Variants in BCL10 observed in about 807,000 individuals in gnomAD.
The protein encoded by BCL10 is BCL10 immune signaling adaptor.
In BCL10, 5 loss-of-function variants were observed where a neutral mutation model predicts 19.2. The ratio of observed to expected loss-of-function variants is 0.26; its 90% CI spans 0.14 to 0.55. The LOEUF is 0.55. Among genes scored for constraint, BCL10 ranks in the 20% least tolerant of loss-of-function variants. The pLI, the probability that BCL10 is intolerant of heterozygous loss-of-function variation, is 0.94. For synonymous variants in BCL10, 110 were observed against 98.8 expected (o/e 1.11, Z -0.67); for missense variants, 201 against 271.9 (o/e 0.74, Z 1.83).
At position 85,267,840 on chromosome 1, in the gene BCL10, C is replaced by T. The variant is rs139473915; in HGVS notation, c.489G>A (p.Thr163=). 4.0e-5 allele frequency: 64 copies of T among 1,614,186 alleles called. No homozygotes were observed. In the African/African-American group the frequency reaches 4.4e-4, roughly 11 times the overall value. ...MYHPEGESST[T]PFFSTNSSLN... The stretch of plus-strand genomic sequence containing the variant: ...GAGAAGAATTAGTAGAAAAAAAGGG[C>T]GTCGTGCTGGATTCTCCTTCTGGAT... The change falls in exon 3 of 3, where the codon ACG becomes ACA. Residue 163 remains threonine, a synonymous_variant. Coordinates refer to ENST00000648566, the MANE Select transcript of BCL10 (RefSeq NM_003921.5).
chr1:85,271,100 T>C (rs1226384465), intron 1 of BCL10, among the ~76,000 whole-genome samples, 194 bp from the exon 2 acceptor site: 3 of 152,188 alleles, frequency 2.0e-5, no homozygotes, highest in Non-Finnish European at 4.4e-5. Flanking sequence ...CTCACTGCTT[T>C]GATCTCACCT....
chr1:85,268,599 C>T (rs1288679035), intron 2 of BCL10, among the ~76,000 whole-genome samples: 4 of 152,136 alleles, frequency 2.6e-5, no homozygotes, highest in African/African-American at 7.2e-5. Flanking sequence ...GAAACCCCAT[C>T]TCTACTAAAA....
In BCL10 at chr1:85,275,220, C is replaced by G. The variant is rs1023621612; in HGVS notation, c.57+1076G>C. On this transcript the variant is annotated intron_variant, in intron 1 of 2. Transcript: ENST00000648566. ...TATTTATGTTCCATTCTTATCTCAACTAGAATGTAAAGCAGGAAACTGATC... is the reference window on the plus strand; with the variant it reads ...TATTTATGTTCCATTCTTATCTCAAGTAGAATGTAAAGCAGGAAACTGATC... Among the ~76,000 whole-genome samples, 5 of 152,236 alleles carry G rather than the reference C, an allele frequency of 3.3e-5. No individual in the cohort carries two copies. The East Asian group carries it at 9.6e-4, about 29-fold the overall frequency.
intron 1 of BCL10, among the ~76,000 whole-genome samples, chr1:85,272,596 G>T (rs1047340273): frequency 1.3e-5 from 2 of 151,982 alleles, no homozygotes; most frequent in African/African-American, 4.8e-5. Flanking sequence ...ACAATGTTCT[G>T]CCCTGTCTTA....
intron 2 of BCL10, 36 bp from the exon 3 acceptor site, chr1:85,268,018 A>C: frequency 7.2e-7 from 1 of 1,392,748 alleles, no homozygotes; most frequent in Non-Finnish European, 9.6e-7. Flanking sequence ...ATGAAAAAGT[A>C]ACTAAAAAAA....
Position 85,267,212 on chromosome 1 carries a change from A to G in BCL10, c.*415T>C, listed in dbSNP as rs1363793731. Reference sequence around the variant, plus strand: ...ACCGGTTTTATTACTGAACAGGAACAGCTTAATGCTGAAAATTTGCTGCTG... The same window carrying G: ...ACCGGTTTTATTACTGAACAGGAACGGCTTAATGCTGAAAATTTGCTGCTG... On this transcript the variant is annotated 3_prime_UTR_variant, in exon 3 of 3. Transcript: ENST00000648566. 1 of 209,608 alleles carries G rather than the reference A, an allele frequency of 4.8e-6. No homozygotes were observed. The highest frequency in any genetic ancestry group is 9.7e-6 in the Non-Finnish European group (1 of 103,040). The allele number at this position is 209,608 out of a possible 1,614,324, so 13.0% of individuals were successfully genotyped here.
At position 85,266,337 on chromosome 1, in the gene BCL10, G is replaced by A; in HGVS notation, c.*1290C>T. 1 of 186,074 alleles carries A rather than the reference G, an allele frequency of 5.4e-6. No individual in the cohort carries two copies. Among genetic ancestry groups the A allele is most frequent in the Non-Finnish European group, 1.1e-5 (1 of 87,818 alleles). 11.5% of individuals were successfully genotyped at this position (186,074 alleles called of 1,614,324 possible). A position where few individuals can be genotyped will look rare whatever the true frequency, so the allele number is the denominator to read the frequency against. The stretch of plus-strand genomic sequence containing the variant: ...AGAAATATATAGGAGACAATGTCAG[G>A]AAACAGATAAAATTGTAATTTAAAT... On this transcript the variant is annotated 3_prime_UTR_variant, in exon 3 of 3. Coordinates refer to ENST00000648566, the MANE Select transcript of BCL10 (RefSeq NM_003921.5).
intron 2 of BCL10, among the ~76,000 whole-genome samples, chr1:85,269,049 T>TA (rs1352404727): frequency 6.6e-6 from 1 of 152,196 alleles, no homozygotes; most frequent in Non-Finnish European, 1.5e-5. Context: ...TGCCCTGGAC[T>TA]AATGCCATTA....
intron 1 of BCL10, among the ~76,000 whole-genome samples, chr1:85,274,969 C>G (rs143614444): frequency 5.3e-5 from 8 of 152,310 alleles, no homozygotes; most frequent in Non-Finnish European, 1.2e-4. Context: ...CACATCTGTA[C>G]TTGTATACAG....
intron 1 of BCL10, among the ~76,000 whole-genome samples, chr1:85,272,403 A>ATTT (rs952747276): frequency 8.2e-5 from 11 of 133,476 alleles, no homozygotes; most frequent in East Asian, 6.6e-4. Flanking sequence ...CTAATTTTTA[A>ATTT]TTTTTTTTTT....
At position 85,265,866 on chromosome 1, in the gene BCL10, T is replaced by C. The variant is rs914437475; in HGVS notation, c.*1761A>G. 5.9e-5 allele frequency among the ~76,000 whole-genome samples: 9 copies of C among 152,202 alleles called. No individual in the cohort carries two copies. The highest frequency in any genetic ancestry group is 3.8e-4 in the East Asian group (2 of 5,208). ...AAAACTTATCTATATATAGGTGTTA[T>C]TGTATATCTAAATTATAATCTTTGA... On this transcript the variant is annotated 3_prime_UTR_variant, in exon 3 of 3. Transcript: ENST00000648566.
At chr1:85,273,589 A>T (rs1011842605) in intron 1 of BCL10, among the ~76,000 whole-genome samples, 1 of 151,952 alleles carries the variant, frequency 6.6e-6, no homozygotes, top group African/African-American at 2.4e-5. Flanking sequence ...TTGCAGATGT[A>T]ATTGCTGATC....
intron 1 of BCL10, 57 bp from the exon 2 acceptor site, chr1:85,270,963 C>G (rs565222797): frequency 6.6e-7 from 1 of 1,523,324 alleles, no homozygotes; most frequent in Non-Finnish European, 8.9e-7. Context: ...AAATCACATA[C>G]GTGACTATTA....
Position 85,276,513 on chromosome 1 carries a change from G to T in BCL10, c.-161C>A. ...CCCCTTCGGGAACAGAGGGACTCGG[G>T]GGTCAAACCGTAGCGCTTCCGGCCC... is the stretch of plus-strand genomic sequence containing the variant. On this transcript the variant is annotated 5_prime_UTR_variant, in exon 1 of 3. Transcript: ENST00000648566. 1 of 732,518 alleles carries T rather than the reference G, an allele frequency of 1.4e-6. No homozygotes were observed. The highest frequency in any genetic ancestry group is 2.2e-6 in the Non-Finnish European group (1 of 448,454). 45.4% of individuals were successfully genotyped at this position (732,518 alleles called of 1,614,324 possible). A position where few individuals can be genotyped will look rare whatever the true frequency, so the allele number is the denominator to read the frequency against.
chr1:85,267,407 AAAAAG>A lies in BCL10; in HGVS notation c.*215_*219del, dbSNP rs553875136. ...AGTACTGAAAGACCTTAAAAAGGAA[AAAAAG>A]AAATTACTAAAAAGTACATGATCAA... On this transcript the variant is annotated 3_prime_UTR_variant, in exon 3 of 3. Coordinates refer to ENST00000648566, the MANE Select transcript of BCL10 (RefSeq NM_003921.5). 1.8e-4 allele frequency: 80 copies of A among 444,984 alleles called. No homozygotes were observed. Among genetic ancestry groups the A allele is most frequent in the African/African-American group, 1.4e-3 (69 of 49,412 alleles). The allele number at this position is 444,984 out of a possible 1,614,324, so 27.6% of individuals were successfully genotyped here.
In BCL10 at chr1:85,265,958, C is replaced by T. The variant is rs1226653337; in HGVS notation, c.*1669G>A. 6.6e-6 allele frequency among the ~76,000 whole-genome samples: 1 copy of T among 152,158 alleles called. No homozygotes were observed. The highest frequency in any genetic ancestry group is 1.5e-5 in the Non-Finnish European group (1 of 68,018). On this transcript the variant is annotated 3_prime_UTR_variant, in exon 3 of 3. Coordinates refer to ENST00000648566, the MANE Select transcript of BCL10 (RefSeq NM_003921.5). Reference sequence around the variant, plus strand: ...CTGCTTCTGCTTTTTAAAGCACCTTCCTTAAATGTAACCTATTTTCTTTCT... The same window carrying T: ...CTGCTTCTGCTTTTTAAAGCACCTTTCTTAAATGTAACCTATTTTCTTTCT...
intron 1 of BCL10, among the ~76,000 whole-genome samples, chr1:85,272,025 A>T (rs1660380400): frequency 6.6e-6 from 1 of 152,316 alleles, no homozygotes; most frequent in African/African-American, 2.4e-5. Flanking sequence ...GGTAATAATT[A>T]TAAAACAATG....
rs552918584 is a variant in BCL10 at position 85,270,843 on chromosome 1, G to A, written c.121C>T (p.Leu41=). Residue 41 remains leucine, a synonymous_variant, in exon 2 of 3, where the codon CTA becomes TTA. Transcript: ENST00000648566. ...CTACTGAGTATTTTTTTTGCACGTA[G>A]ATGATCAAAATGTCTCTCAGCTATG... is the stretch of plus-strand genomic sequence containing the variant. The part of the protein sequence containing the change: ...KIIAERHFDH[L]RAKKILSRED... 2 of 1,613,316 alleles carry A rather than the reference G, an allele frequency of 1.2e-6. No individual in the cohort carries two copies. Among genetic ancestry groups the A allele is most frequent in the Admixed American group, 1.7e-5 (1 of 59,976 alleles).
intron 1 of BCL10, among the ~76,000 whole-genome samples, chr1:85,274,803 A>C (rs557245408): frequency 7.2e-5 from 11 of 152,358 alleles, no homozygotes; most frequent in Middle Eastern, 3.4e-3. Context: ...ACCTCTAAGA[A>C]AAAAGCATGC....
Sources: allele counts gnomAD v4.1 joint callset (sites outside exome capture counted in the v4.1 genomes callset), GRCh38; gene constraint gnomAD v4.1.1; transcripts MANE v1.5; gene names NCBI Gene and HGNC (gene_info 2026-07-23, HGNC 2026-07-21).